Variants in TRPM3 observed in about 807,000 individuals in gnomAD.
TRPM3 encodes the protein long transient receptor potential channel 3.
A neutral mutation model predicts 181.2 loss-of-function variants in TRPM3; 77 were observed. The ratio of observed to expected loss-of-function variants is 0.42; its 90% CI spans 0.35 to 0.51. The LOEUF (loss-of-function observed/expected upper bound fraction) is 0.51. Ranked by LOEUF, TRPM3 falls within the 20% of genes least tolerant of loss-of-function variation. The pLI, the probability that TRPM3 is intolerant of heterozygous loss-of-function variation, is 0.01. For synonymous variants in TRPM3, 745 were observed against 796.4 expected, an observed-to-expected ratio of 0.94 and a Z score of 1.09; for missense variants, 1,759 against 2,196.7, an observed-to-expected ratio of 0.80 and a Z score of 3.98.
chr9:71,093,165 A>G (rs1389708441), intron 1 of TRPM3, among the ~76,000 whole-genome samples: 2 of 152,202 alleles, frequency 1.3e-5, no homozygotes, highest in African/African-American at 2.4e-5. Context: ...CATTCCGGAC[A>G]TAGGCATGGG....
chr9:71,400,798 T>G (rs531350304), intron 1 of TRPM3, among the ~76,000 whole-genome samples: 31 of 152,002 alleles, frequency 2.0e-4, no homozygotes, highest in Non-Finnish European at 4.0e-4. Flanking sequence ...TCTTTTTTTT[T>G]TTTTCAGAAT....
chr9:70,659,803 G>A (rs1463418879), intron 9 of TRPM3, among the ~76,000 whole-genome samples: 2 of 151,836 alleles, frequency 1.3e-5, no homozygotes, highest in Admixed American at 1.3e-4. Flanking sequence ...AAACTAAGCT[G>A]TGCTTTCATA....
At chr9:71,308,990 C>T (rs971728455) in intron 1 of TRPM3, among the ~76,000 whole-genome samples, 1 of 152,122 alleles carries the variant, frequency 6.6e-6, no homozygotes, top group African/African-American at 2.4e-5. Context: ...TAGAATCCTG[C>T]CCTTGTCTGG....
At chr9:70,784,636 A>G (rs761494449) in intron 6 of TRPM3, among the ~76,000 whole-genome samples, 6 of 152,198 alleles carry the variant, frequency 3.9e-5, no homozygotes, top group Non-Finnish European at 8.8e-5. Context: ...GAAGCTGAAC[A>G]TGATCTGAAG....
chr9:71,246,800 C>A (rs577618628), intron 1 of TRPM3, among the ~76,000 whole-genome samples: 32 of 152,354 alleles, frequency 2.1e-4, no homozygotes, highest in African/African-American at 7.7e-4. Flanking sequence ...TTAATTAGTG[C>A]TTTCACTGTA....
chr9:71,117,087 C>T (rs1014442666), intron 1 of TRPM3, among the ~76,000 whole-genome samples: 2 of 152,160 alleles, frequency 1.3e-5, no homozygotes, highest in African/African-American at 2.4e-5. Flanking sequence ...TTCCTCTCTC[C>T]ACCACAACTA....
At chr9:71,117,820 A>G (rs1260499706) in intron 1 of TRPM3, among the ~76,000 whole-genome samples, 1 of 152,172 alleles carries the variant, frequency 6.6e-6, no homozygotes, top group Non-Finnish European at 1.5e-5. Context: ...TCTTTCCAAA[A>G]TCTGTCACAA....
intron 6 of TRPM3, among the ~76,000 whole-genome samples, chr9:70,813,513 C>T (rs533409079): frequency 6.6e-6 from 1 of 151,604 alleles, no homozygotes; most frequent in East Asian, 1.9e-4. Context: ...ACTAGGGACT[C>T]CAAAAGGAGG....
At chr9:71,094,137 T>G (rs1383555380) in intron 1 of TRPM3, among the ~76,000 whole-genome samples, 26 of 151,946 alleles carry the variant, frequency 1.7e-4, no homozygotes, top group Admixed American at 1.7e-3. Context: ...AAATACCTAA[T>G]GCATTCAGGG....
At chr9:70,915,473 T>A (rs558784441) in intron 1 of TRPM3, among the ~76,000 whole-genome samples, 77 of 143,972 alleles carry the variant, frequency 5.3e-4, no homozygotes, top group South Asian at 4.8e-3. Flanking sequence ...AATTTTTTTT[T>A]TTTTTTTATT....
intron 6 of TRPM3, among the ~76,000 whole-genome samples, chr9:70,804,859 C>T (rs2090272425): frequency 6.6e-6 from 1 of 152,104 alleles, no homozygotes; most frequent in Non-Finnish European, 1.5e-5. Context: ...CTATCCCCTC[C>T]CCTGCAAATG....
intron 1 of TRPM3, among the ~76,000 whole-genome samples, chr9:71,281,294 C>T (rs909066005): frequency 2.6e-5 from 4 of 152,222 alleles, no homozygotes; most frequent in African/African-American, 9.7e-5. Context: ...AGCAGTGGGA[C>T]AGTGACAGAG....
At chr9:71,325,353 T>C (rs538952762) in intron 1 of TRPM3, among the ~76,000 whole-genome samples, 5 of 152,254 alleles carry the variant, frequency 3.3e-5, no homozygotes, top group East Asian at 1.9e-4. Flanking sequence ...CACCAACTTA[T>C]CATACATCAC....
At chr9:71,394,718 G>T (rs113275886) in intron 1 of TRPM3, among the ~76,000 whole-genome samples, 15 of 152,128 alleles carry the variant, frequency 9.9e-5, no homozygotes, top group African/African-American at 1.4e-4. Flanking sequence ...AGTTTTCCCT[G>T]GTTGACTACA....
chr9:71,379,651 C>T (rs1470090352), intron 1 of TRPM3, among the ~76,000 whole-genome samples: 1 of 151,950 alleles, frequency 6.6e-6, no homozygotes, highest in Non-Finnish European at 1.5e-5. Flanking sequence ...CAAACACTCA[C>T]AGCTGGGAAT....
intron 1 of TRPM3, among the ~76,000 whole-genome samples, chr9:71,102,140 G>C (rs990665389): frequency 2.6e-5 from 4 of 152,054 alleles, no homozygotes; most frequent in African/African-American, 9.7e-5. Flanking sequence ...TATTACCTTG[G>C]TAGAAAATAA....
At position 71,399,562 on chromosome 9, in the gene TRPM3, T is replaced by C. The variant is rs1213205870; in HGVS notation, c.183+47091A>G. On this transcript the variant is annotated intron_variant, in intron 1 of 24. Transcript: ENST00000357533. ...TTTTTTTTTTGAGAAGGAGTCTCAC[T>C]CTGTGGCCCAGGATGGAGTGCAGTG... is the stretch of plus-strand genomic sequence containing the variant. 8.2e-5 allele frequency among the ~76,000 whole-genome samples: 11 copies of C among 134,204 alleles called. No individual in the cohort carries two copies. In the East Asian group the frequency reaches 2.4e-3, roughly 29 times the overall value. The allele number at this position is 134,204 out of a possible 152,430, so 88.0% of individuals were successfully genotyped here. A position where few individuals can be genotyped will look rare whatever the true frequency, so the allele number is the denominator to read the frequency against.
Position 71,281,707 on chromosome 9 carries a change from A to G in TRPM3, c.183+164946T>C, listed in dbSNP as rs1307929464. On this transcript the variant is annotated intron_variant, in intron 1 of 24. Coordinates refer to the TRPM3 transcript ENST00000357533. ...ATTTCTTATTAAATTCATAAAAATT[A>G]CAGGAGAAAACCACATTTGAGTGTA... 2.0e-5 allele frequency among the ~76,000 whole-genome samples: 3 copies of G among 152,208 alleles called. No individual in the cohort carries two copies. The East Asian group carries it at 5.8e-4, about 29-fold the overall frequency.
intron 24 of TRPM3, among the ~76,000 whole-genome samples, chr9:70,550,116 A>G (rs965701475): frequency 1.3e-5 from 2 of 152,188 alleles, no homozygotes; most frequent in Admixed American, 1.3e-4. Context: ...GAGCTTAGAA[A>G]CCCAACACAA....
Sources: allele counts gnomAD v4.1 joint callset (sites outside exome capture counted in the v4.1 genomes callset), GRCh38; gene constraint gnomAD v4.1.1; transcripts MANE v1.5; gene names NCBI Gene and HGNC (gene_info 2026-07-23, HGNC 2026-07-21).